The following BMP5 variants were observed in gnomAD, a reference collection of about 807,000 sequenced individuals.
The protein encoded by BMP5 is bone morphogenetic protein 5.
In BMP5, 23 loss-of-function variants were observed where a neutral mutation model predicts 46.6. The observed-to-expected ratio is 0.49, with a 90% CI of 0.35 to 0.70. The LOEUF (loss-of-function observed/expected upper bound fraction) is 0.70. Ranked by LOEUF, BMP5 falls within the 30% of genes least tolerant of loss-of-function variation. The pLI, the probability that BMP5 is intolerant of heterozygous loss-of-function variation, is 0.00. For synonymous variants in BMP5, 204 were observed against 191.9 expected, an observed-to-expected ratio of 1.06 and a Z score of -0.52; for missense variants, 545 against 565.6, an observed-to-expected ratio of 0.96 and a Z score of 0.37.
chr6:55,777,423 C>T (rs1278643176), intron 3 of BMP5, among the ~76,000 whole-genome samples: 1 of 151,828 alleles, frequency 6.6e-6, no homozygotes, highest in Non-Finnish European at 1.5e-5. Flanking sequence ...ATGTGTGTAT[C>T]AACATGGATT....
intron 2 of BMP5, among the ~76,000 whole-genome samples, chr6:55,817,795 T>C (rs1019312055): frequency 3.9e-5 from 6 of 152,156 alleles, no homozygotes; most frequent in Non-Finnish European, 8.8e-5. Flanking sequence ...GCCTCAGAAC[T>C]GTCCACAATG....
intron 3 of BMP5, among the ~76,000 whole-genome samples, chr6:55,791,911 A>T (rs1775580086): frequency 6.6e-6 from 1 of 152,172 alleles, no homozygotes; most frequent in Non-Finnish European, 1.5e-5. Flanking sequence ...CAGGGAAGGA[A>T]CGATTGGCTT....
At position 55,754,567 on chromosome 6, in the gene BMP5, A is replaced by G. The variant is rs1318499358; in HGVS notation, c.*966T>C. 1 of 151,968 alleles carries G rather than the reference A, an allele frequency of 6.6e-6. No homozygotes were observed. The highest frequency in any genetic ancestry group is 1.5e-5 in the Non-Finnish European group (1 of 67,928). 9.4% of individuals were successfully genotyped at this position (151,968 alleles called of 1,614,324 possible). A position where few individuals can be genotyped will look rare whatever the true frequency, so the allele number is the denominator to read the frequency against. On this transcript the variant is annotated 3_prime_UTR_variant, in exon 7 of 7. Transcript: ENST00000370830. ...TTCTAAATAAAATCCCTTGCATCAC[A>G]TCAATCAGCAAACTCAGTTATAAAG...
intron 4 of BMP5, 43 bp downstream of exon 4, chr6:55,774,006 C>T (rs551347386): frequency 6.3e-7 from 1 of 1,597,664 alleles, no homozygotes; most frequent in Admixed American, 1.7e-5. Context: ...GCATACGACC[C>T]CATAACTCTC....
chr6:55,767,889 G>A (rs1774952720), intron 4 of BMP5, among the ~76,000 whole-genome samples: 1 of 151,902 alleles, frequency 6.6e-6, no homozygotes, highest in Non-Finnish European at 1.5e-5. Flanking sequence ...TTTGACATAT[G>A]GCTAAACATT....
intron 1 of BMP5, among the ~76,000 whole-genome samples, chr6:55,839,345 C>A (rs1776895947): frequency 6.6e-6 from 1 of 151,626 alleles, no homozygotes; most frequent in African/African-American, 2.4e-5. Flanking sequence ...TATTTCAAGG[C>A]AGGATCTCAC....
rs73448118 is a variant in BMP5, at chr6:55,841,652, G to T, written c.491-21805C>A. ...TAGTCCTTTTCTTGGCATGCAGATGGTCACCCTCTTGCTGCCTCTTCACAT... is the reference window on the plus strand; with the variant it reads ...TAGTCCTTTTCTTGGCATGCAGATGTTCACCCTCTTGCTGCCTCTTCACAT... On this transcript the variant is annotated intron_variant, in intron 1 of 6. Transcript: ENST00000370830. Among the ~76,000 whole-genome samples the T allele has an allele frequency of 4.9e-3, 746 of 152,230 alleles. 13 individuals carry two copies. The highest frequency in any genetic ancestry group is 0.016 in the African/African-American group (670 of 41,538).
chr6:55,755,596 G>A lies in BMP5; in HGVS notation c.1302C>T (p.Asp434=). ...ATTTTTTCAAAATGACATTGGAGCTGTCATCAAAGTACAGAACAGAGATGG... is the reference window on the plus strand; with the variant it reads ...ATTTTTTCAAAATGACATTGGAGCTATCATCAAAGTACAGAACAGAGATGG... ...LNAISVLYFD[D]SSNVILKKYR... Residue 434 remains aspartate (D), a synonymous_variant, in exon 7 of 7, where the codon GAC becomes GAT. Coordinates refer to ENST00000370830, the MANE Select transcript of BMP5 (RefSeq NM_021073.4). The A allele has an allele frequency of 6.2e-7, 1 of 1,612,210 alleles. No individual in the cohort carries two copies. The highest frequency in any genetic ancestry group is 8.5e-7 in the Non-Finnish European group (1 of 1,178,750).
chr6:55,819,577 T>A, intron 2 of BMP5, 78 bp downstream of exon 2: 3 of 1,154,454 alleles, frequency 2.6e-6, no homozygotes, highest in Non-Finnish European at 3.8e-6. Flanking sequence ...GTTTGATAGA[T>A]CACATGAGTT....
At chr6:55,828,834 T>C (rs921007115) in intron 1 of BMP5, among the ~76,000 whole-genome samples, 30 of 151,842 alleles carry the variant, frequency 2.0e-4, no homozygotes, top group Non-Finnish European at 3.8e-4. Flanking sequence ...AATAAATATC[T>C]GAAATCACCC....
intron 1 of BMP5, among the ~76,000 whole-genome samples, chr6:55,860,081 C>A (rs1006668390): frequency 3.3e-5 from 5 of 152,134 alleles, no homozygotes; most frequent in Admixed American, 2.0e-4. Context: ...TTGAGACCAG[C>A]CTGGGCAATA....
At chr6:55,846,228 A>G (rs1215250136) in intron 1 of BMP5, among the ~76,000 whole-genome samples, 3 of 152,078 alleles carry the variant, frequency 2.0e-5, no homozygotes, top group Non-Finnish European at 2.9e-5. Context: ...AGAGCAAAGC[A>G]TAAGTGGAGC....
chr6:55,777,115 T>C (rs560897100), intron 3 of BMP5, among the ~76,000 whole-genome samples: 10 of 152,058 alleles, frequency 6.6e-5, no homozygotes, highest in African/African-American at 1.7e-4. Context: ...TCAGTTACCC[T>C]TGGTCTTGAG....
At chr6:55,805,674 T>C (rs1002542879) in intron 2 of BMP5, among the ~76,000 whole-genome samples, 1 of 152,244 alleles carries the variant, frequency 6.6e-6, no homozygotes, top group African/African-American at 2.4e-5. Flanking sequence ...CTAATTTACA[T>C]TCCCACCAAC....
chr6:55,796,849 A>T (rs1775726762), intron 2 of BMP5, among the ~76,000 whole-genome samples: 1 of 152,244 alleles, frequency 6.6e-6, no homozygotes, highest in Admixed American at 6.5e-5. Flanking sequence ...TCGGTGATGC[A>T]AATTGCAATT....
intron 4 of BMP5, among the ~76,000 whole-genome samples, chr6:55,769,283 C>A (rs951911555): frequency 1.3e-5 from 2 of 151,912 alleles, no homozygotes; most frequent in South Asian, 2.1e-4. Context: ...AATCCTGCCT[C>A]TACTCTAGTA....
intron 1 of BMP5, among the ~76,000 whole-genome samples, chr6:55,832,322 C>T (rs767002776): frequency 1.3e-5 from 2 of 152,172 alleles, no homozygotes; most frequent in African/African-American, 2.4e-5. Flanking sequence ...AAAAGCTCAC[C>T]TCCCCTCACC....
rs78388095 is a variant in BMP5, at chr6:55,783,792, T to C, written c.833-9549A>G. 5.1e-3 allele frequency among the ~76,000 whole-genome samples: 778 copies of C among 152,116 alleles called. 12 individuals are homozygous for C. The highest frequency in any genetic ancestry group is 0.018 in the African/African-American group (746 of 41,556). On this transcript the variant is annotated intron_variant, in intron 3 of 6. Transcript: ENST00000370830. ...CTAAAAAATATTTCTGACTTTGGCA[T>C]TTGTTTGGTAAGACTGGTGCTCTAT...
At chr6:55,768,195 T>G (rs2127518733) in intron 4 of BMP5, among the ~76,000 whole-genome samples, 1 of 152,094 alleles carries the variant, frequency 6.6e-6, no homozygotes, top group Non-Finnish European at 1.5e-5. Flanking sequence ...GGCATAAATT[T>G]ACATTGTATT....
Sources: allele counts gnomAD v4.1 joint callset (sites outside exome capture counted in the v4.1 genomes callset), GRCh38; gene constraint gnomAD v4.1.1; transcripts MANE v1.5; gene names NCBI Gene and HGNC (gene_info 2026-07-23, HGNC 2026-07-21).